RAMP1: variants seen among roughly 807,000 people sequenced by gnomAD.
RAMP1 encodes receptor activity modifying protein 1.
A neutral mutation model predicts 8.2 loss-of-function variants in RAMP1; 7 were observed. The observed-to-expected ratio is 0.85, with a 90% CI of 0.49 to 1.60. RAMP1 has a LOEUF of 1.60. Among genes scored for constraint, RAMP1 ranks in the 40% most tolerant of loss-of-function variants. The pLI is 0.00. For missense variants in RAMP1, 192 were observed against 202.4 expected (o/e 0.95, Z 0.31); for synonymous variants, 92 against 84.7 (o/e 1.09, Z -0.47).
intron 2 of RAMP1, among the ~76,000 whole-genome samples, chr2:237,879,491 A>C (rs575562325): frequency 0.045 from 6,752 of 150,380 alleles, 264 homozygotes; most frequent in African/African-American, 0.1. Context: ...TTTTTTTATT[A>C]TTATTATTAT....
intron 1 of RAMP1, 112 bp downstream of exon 1, chr2:237,859,839 CCGCGGGCGCACAGATCCGCTGCCCTTGAA>C: frequency 1.9e-6 from 2 of 1,046,058 alleles, no homozygotes; most frequent in Non-Finnish European, 2.5e-6. Flanking sequence ...GGGGCGGGCG[CCGCGGGCGCACAGATCCGCTGCCCTTGAA>C]CGCGGGCCGC....
At chr2:237,875,622 T>C (rs947489668) in intron 1 of RAMP1, among the ~76,000 whole-genome samples, 6 of 152,162 alleles carry the variant, frequency 3.9e-5, no homozygotes, top group African/African-American at 1.2e-4. Context: ...CATCACTCCC[T>C]GGCTTCTTGG....
rs1055854087 is a variant in RAMP1, at chr2:237,865,896, G to A, written c.52+6169G>A. 6.6e-6 allele frequency among the ~76,000 whole-genome samples: 1 copy of A among 151,996 alleles called. No homozygotes were observed. The highest frequency in any genetic ancestry group is 1.5e-5 in the Non-Finnish European group (1 of 68,022). On this transcript the variant is annotated intron_variant, in intron 1 of 2. Transcript: ENST00000254661. This position sits in a 1 kb window ranked among gnomAD's most constrained non-coding sequence, Gnocchi z 4.2. Reference sequence around the variant, plus strand: ...GGTCCTTTGCAGGAGAGGCAGCGGCGAAAGCTGCCCTTAGGAGGCAGCGAG... The same window carrying A: ...GGTCCTTTGCAGGAGAGGCAGCGGCAAAAGCTGCCCTTAGGAGGCAGCGAG...
Position 237,859,679 on chromosome 2 carries a change from G to A in RAMP1, c.4G>A (p.Ala2Thr). M[A>T]RALCRLPRRG... is the part of the protein sequence containing the mutation. ...CGACTCGGCACCGCTGTGCACCATG[G>A]CCCGGGCCCTGTGCCGCCTCCCGCG... Residue 2 changes from alanine to threonine, a missense_variant, in exon 1 of 3, where the codon GCC (alanine) becomes ACC (threonine). By Grantham distance (58) the Ala-to-Thr change is moderately conservative. Transcript: ENST00000254661. 6.6e-7 allele frequency: 1 copy of A among 1,508,074 alleles called. No homozygotes were observed. Among genetic ancestry groups the A allele is most frequent in the Non-Finnish European group, 8.9e-7 (1 of 1,129,370 alleles). 93.4% of individuals were successfully genotyped at this position (1,508,074 alleles called of 1,614,324 possible).
At chr2:237,875,698 GGGCTCAGCCT>G (rs2062296133) in intron 1 of RAMP1, among the ~76,000 whole-genome samples, 2 of 152,152 alleles carry the variant, frequency 1.3e-5, no homozygotes, top group Admixed American at 1.3e-4. Context: ...GCCCCGTGCA[GGGCTCAGCCT>G]CTCTGGTCAG....
chr2:237,882,521 C>T (rs1003921410), intron 2 of RAMP1, among the ~76,000 whole-genome samples: 10 of 152,246 alleles, frequency 6.6e-5, no homozygotes, highest in African/African-American at 2.2e-4. Context: ...TCCTGGTTCC[C>T]GGCGGAGGTG....
rs2062329690 is a variant in RAMP1, at chr2:237,878,223, C to A, written c.191+861C>A. Reference sequence around the variant, plus strand: ...TCACAGCGCAGCGCAAGTCCTGGTGCCCCACCGATGACAAGCGCTTTCCCC... The same window carrying A: ...TCACAGCGCAGCGCAAGTCCTGGTGACCCACCGATGACAAGCGCTTTCCCC... On this transcript the variant is annotated intron_variant, in intron 2 of 2. Transcript: ENST00000254661. The surrounding 1 kb of genome is among the most constrained non-coding windows in gnomAD (Gnocchi z 5.7). The A allele has an allele frequency of 2.1e-6, 2 of 962,662 alleles. No individual in the cohort carries two copies. The highest frequency in any genetic ancestry group is 2.5e-6 in the Non-Finnish European group (2 of 809,170). 59.6% of individuals were successfully genotyped at this position (962,662 alleles called of 1,614,324 possible). A position where few individuals can be genotyped will look rare whatever the true frequency, so the allele number is the denominator to read the frequency against.
At chr2:237,903,367 A>G (rs1462126282) in intron 2 of RAMP1, among the ~76,000 whole-genome samples, 1 of 152,216 alleles carries the variant, frequency 6.6e-6, no homozygotes, top group Non-Finnish European at 1.5e-5. Context: ...AATTCCCAGT[A>G]ATGCAATTAC....
intron 2 of RAMP1, among the ~76,000 whole-genome samples, chr2:237,909,119 C>T (rs562670446): frequency 6.6e-6 from 1 of 152,248 alleles, no homozygotes; most frequent in South Asian, 2.1e-4. Context: ...TACGGATGCC[C>T]ACTGTGGCCT....
rs1422542946 is a variant in RAMP1 at position 237,865,167 on chromosome 2, C to T, written c.52+5440C>T. On this transcript the variant is annotated intron_variant, in intron 1 of 2. Coordinates refer to ENST00000254661, the MANE Select transcript of RAMP1 (RefSeq NM_005855.4). This position sits in a 1 kb window ranked among gnomAD's most constrained non-coding sequence, Gnocchi z 4.2. ...AGGCGAAAGTGATGGACTCCAGTCC[C>T]TGGGCCTGGATGCAGGAAGTGAGGC... Among the ~76,000 whole-genome samples the T allele has an allele frequency of 6.6e-6, 1 of 151,734 alleles. No homozygotes were observed. The highest frequency in any genetic ancestry group is 1.5e-5 in the Non-Finnish European group (1 of 67,934).
chr2:237,877,462 T>A lies in RAMP1; in HGVS notation c.191+100T>A. 1 of 1,471,112 alleles carries A rather than the reference T, an allele frequency of 6.8e-7. No individual in the cohort carries two copies. The highest frequency in any genetic ancestry group is 9.1e-7 in the Non-Finnish European group (1 of 1,100,066). 91.1% of individuals were successfully genotyped at this position (1,471,112 alleles called of 1,614,324 possible). Reference sequence around the variant, plus strand: ...CGTGGGAGCTGTGGAAGATCCTTTCTAGACCCCGGAAGGGTTCTTCCCCCA... The same window carrying A: ...CGTGGGAGCTGTGGAAGATCCTTTCAAGACCCCGGAAGGGTTCTTCCCCCA... On this transcript the variant is annotated intron_variant, in intron 2 of 2. Coordinates refer to ENST00000254661, the MANE Select transcript of RAMP1 (RefSeq NM_005855.4). The surrounding 1 kb of genome is among the most constrained non-coding windows in gnomAD (Gnocchi z 4.4).
In RAMP1 at chr2:237,880,560, T is replaced by C. The variant is rs981645194; in HGVS notation, c.191+3198T>C. Among the ~76,000 whole-genome samples, 39 of 152,150 alleles carry C rather than the reference T, an allele frequency of 2.6e-4. 1 individual carries two copies. Among genetic ancestry groups the C allele is most frequent in the Non-Finnish European group, 4.4e-5 (3 of 68,028 alleles). On this transcript the variant is annotated intron_variant, in intron 2 of 2. Transcript: ENST00000254661. Reference sequence around the variant, plus strand: ...GGAACCCACGGAACCATACAGGTGCTAGAAGAAAACATGGGTGAATCCCTA... The same window carrying C: ...GGAACCCACGGAACCATACAGGTGCCAGAAGAAAACATGGGTGAATCCCTA...
intron 1 of RAMP1, among the ~76,000 whole-genome samples, chr2:237,876,937 C>G (rs2151008613): frequency 6.6e-6 from 1 of 152,302 alleles, no homozygotes; most frequent in East Asian, 1.9e-4. Flanking sequence ...CTCATGCTGC[C>G]CATGCCTGGG....
chr2:237,859,801 A>C (rs1360757659), intron 1 of RAMP1, 74 bp downstream of exon 1: 2 of 630,060 alleles, frequency 3.2e-6, no homozygotes, highest in Non-Finnish European at 4.4e-6. Flanking sequence ...AGAGGAGGGG[A>C]GCGGGTGGGA....
intron 2 of RAMP1, among the ~76,000 whole-genome samples, chr2:237,881,651 G>T (rs2062369408): frequency 6.6e-6 from 1 of 152,214 alleles, no homozygotes. Flanking sequence ...ATGTGAGTTT[G>T]CATTTCTGTA....
chr2:237,905,588 A>T (rs1182407919), intron 2 of RAMP1, among the ~76,000 whole-genome samples: 2 of 152,210 alleles, frequency 1.3e-5, no homozygotes, highest in African/African-American at 4.8e-5. Context: ...TAAAAATGCC[A>T]CAGCTCCGCT....
Position 237,895,101 on chromosome 2 carries a change from C to T in RAMP1, c.192-16427C>T, listed in dbSNP as rs2062526114. ...CCCCTCCCTCCTGGAGCCACGGCCC[C>T]CCAGCACCATGGCCTCTGGAGCCCC... On this transcript the variant is annotated intron_variant, in intron 2 of 2. Transcript: ENST00000254661. Among the ~76,000 whole-genome samples the T allele has an allele frequency of 3.3e-5, 5 of 152,204 alleles. No individual in the cohort carries two copies. In the South Asian group the frequency reaches 1.0e-3, roughly 32 times the overall value.
At chr2:237,869,919 C>T (rs1228357191) in intron 1 of RAMP1, 2 of 152,260 alleles carry the variant, frequency 1.3e-5, no homozygotes, top group South Asian at 2.1e-4. Context: ...GTGAGGCCAC[C>T]TCTGCCATGC....
intron 2 of RAMP1, among the ~76,000 whole-genome samples, chr2:237,880,264 A>G (rs2151010694): frequency 6.6e-6 from 1 of 152,304 alleles, no homozygotes; most frequent in Non-Finnish European, 1.5e-5. Flanking sequence ...GTGCTATCAC[A>G]AGGTCCCTTA....
Sources: allele counts gnomAD v4.1 joint callset (sites outside exome capture counted in the v4.1 genomes callset), GRCh38; gene constraint gnomAD v4.1.1; non-coding constraint Gnocchi (gnomAD v3.1); transcripts MANE v1.5; gene names NCBI Gene and HGNC (gene_info 2026-07-23, HGNC 2026-07-21).